CNTN5: variants seen among roughly 807,000 people sequenced by gnomAD.
CNTN5 encodes contactin 5.
A neutral mutation model predicts 129.1 loss-of-function variants in CNTN5; 77 were observed. The ratio of observed to expected loss-of-function variants is 0.60; its 90% CI spans 0.50 to 0.72. The LOEUF (loss-of-function observed/expected upper bound fraction) is 0.72. Ranked by LOEUF, CNTN5 falls within the 30% of genes least tolerant of loss-of-function variation. The pLI, the probability that CNTN5 is intolerant of heterozygous loss-of-function variation, is 0.00. For synonymous variants in CNTN5, 509 were observed against 465.6 expected (o/e 1.09, Z -1.20); for missense variants, 1,478 against 1,328.8 (o/e 1.11, Z -1.75).
chr11:99,226,937 A>G (rs1251432624), intron 1 of CNTN5, among the ~76,000 whole-genome samples: 1 of 152,242 alleles, frequency 6.6e-6, no homozygotes, highest in Non-Finnish European at 1.5e-5. Context: ...ATGTTAAAAT[A>G]TCTACGTATA....
intron 3 of CNTN5, among the ~76,000 whole-genome samples, chr11:99,649,739 A>G (rs1952086912): frequency 1.1e-5 from 1 of 93,912 alleles, no homozygotes; most frequent in African/African-American, 3.1e-5. Context: ...TTAGTGAAAC[A>G]TTAAGTTTTT....
intron 3 of CNTN5, among the ~76,000 whole-genome samples, chr11:99,581,549 G>C (rs1036012970): frequency 6.6e-6 from 1 of 151,740 alleles, no homozygotes; most frequent in African/African-American, 2.4e-5. Flanking sequence ...AGGATAGTTA[G>C]CTCTTCTTGT....
chr11:99,132,994 G>A (rs183268990), intron 1 of CNTN5, among the ~76,000 whole-genome samples: 16 of 152,216 alleles, frequency 1.1e-4, no homozygotes, highest in East Asian at 7.7e-4. Flanking sequence ...CATGTTACCC[G>A]ACTTCAAACC....
At chr11:99,306,152 T>C (rs535058183) in intron 1 of CNTN5, among the ~76,000 whole-genome samples, 11 of 152,274 alleles carry the variant, frequency 7.2e-5, no homozygotes, top group Non-Finnish European at 1.3e-4. Context: ...TGGAGAGCTG[T>C]CCTTTAGGAC....
At position 99,858,109 on chromosome 11, in the gene CNTN5, A is replaced by G. The variant is rs562526440; in HGVS notation, c.577+12847A>G. On this transcript the variant is annotated intron_variant, in intron 6 of 24. Transcript: ENST00000524871. Reference sequence around the variant, plus strand: ...TCTTGTTTTCCAGGCAATTATAAGAAAAAAATGAAAGTGTTTATGTCACGC... The same window carrying G: ...TCTTGTTTTCCAGGCAATTATAAGAGAAAAATGAAAGTGTTTATGTCACGC... Among the ~76,000 whole-genome samples the G allele has an allele frequency of 2.6e-5, 4 of 152,264 alleles. No individual in the cohort carries two copies. In the South Asian group the frequency reaches 8.3e-4, roughly 31 times the overall value.
chr11:99,573,497 A>C (rs1949244303), intron 3 of CNTN5, among the ~76,000 whole-genome samples: 1 of 151,932 alleles, frequency 6.6e-6, no homozygotes, highest in Non-Finnish European at 1.5e-5. Context: ...GTGAACCAGG[A>C]AGGCGGAGTT....
intron 1 of CNTN5, among the ~76,000 whole-genome samples, chr11:99,062,518 C>G (rs553083520): frequency 6.6e-6 from 1 of 151,918 alleles, no homozygotes; most frequent in Non-Finnish European, 1.5e-5. Flanking sequence ...ACATATAGGT[C>G]ACAAAAACTT....
intron 3 of CNTN5, among the ~76,000 whole-genome samples, chr11:99,655,224 T>C (rs913285722): frequency 3.9e-5 from 6 of 152,110 alleles, no homozygotes; most frequent in African/African-American, 1.4e-4. Flanking sequence ...TCAAATCAAT[T>C]ATTAAACAGT....
At chr11:99,285,647 A>G (rs1863904210) in intron 1 of CNTN5, among the ~76,000 whole-genome samples, 3 of 152,164 alleles carry the variant, frequency 2.0e-5, no homozygotes, top group African/African-American at 7.2e-5. Flanking sequence ...GTAGAGAACT[A>G]GAATGTAAAC....
chr11:100,279,786 T>G (rs1439389895), intron 18 of CNTN5, among the ~76,000 whole-genome samples: 2 of 151,844 alleles, frequency 1.3e-5, no homozygotes, highest in African/African-American at 4.8e-5. Flanking sequence ...TTTTCTTCAT[T>G]TCATTTATTT....
At chr11:99,950,773 T>C (rs1950655848) in intron 7 of CNTN5, among the ~76,000 whole-genome samples, 1 of 152,242 alleles carries the variant, frequency 6.6e-6, no homozygotes, top group Admixed American at 6.5e-5. Flanking sequence ...TCAGCATTAC[T>C]ACCACGTAGA....
chr11:99,425,006 T>G (rs759440274), intron 2 of CNTN5, among the ~76,000 whole-genome samples: 2 of 152,116 alleles, frequency 1.3e-5, no homozygotes, highest in Non-Finnish European at 2.9e-5. Context: ...AGGAAACCCA[T>G]AGTGGGTAGC....
intron 13 of CNTN5, among the ~76,000 whole-genome samples, chr11:100,143,423 G>A (rs1169035548): frequency 1.3e-5 from 2 of 152,066 alleles, no homozygotes; most frequent in Non-Finnish European, 2.9e-5. Context: ...TGACAAACAT[G>A]AACTAAACTC....
At chr11:99,455,487 A>G (rs113487841) in intron 2 of CNTN5, among the ~76,000 whole-genome samples, 1,877 of 152,262 alleles carry the variant, frequency 0.012, 44 homozygotes, top group African/African-American at 0.043. Flanking sequence ...AAGAAGGAAT[A>G]AACAAGTATG....
intron 4 of CNTN5, among the ~76,000 whole-genome samples, chr11:99,842,982 G>A (rs747651711): frequency 5.3e-5 from 8 of 152,138 alleles, no homozygotes; most frequent in African/African-American, 1.4e-4. Flanking sequence ...TGCATTCCCA[G>A]CACTTTGGGA....
chr11:99,967,644 C>T (rs937831858), intron 8 of CNTN5, among the ~76,000 whole-genome samples: 8 of 152,080 alleles, frequency 5.3e-5, no homozygotes, highest in South Asian at 2.1e-4. Context: ...GAGGCGCTTG[C>T]GTTCCACAAA....
At chr11:99,802,431 G>T (rs1591211195) in intron 3 of CNTN5, among the ~76,000 whole-genome samples, 1 of 152,138 alleles carries the variant, frequency 6.6e-6, no homozygotes, top group Admixed American at 6.5e-5. Flanking sequence ...GGCAGGCAAG[G>T]GACTGCCATT....
chr11:99,608,309 A>G (rs1359968859), intron 3 of CNTN5, among the ~76,000 whole-genome samples: 2 of 152,172 alleles, frequency 1.3e-5, no homozygotes, highest in Admixed American at 6.6e-5. Context: ...TTGCTTGCCC[A>G]GGAAACTGAT....
intron 1 of CNTN5, among the ~76,000 whole-genome samples, chr11:99,064,417 A>G (rs548435585): frequency 6.6e-6 from 1 of 151,748 alleles, no homozygotes; most frequent in South Asian, 2.1e-4. Flanking sequence ...AACCAGAAAA[A>G]TGTACAGAAA....
Sources: gnomAD v4.1 joint callset for allele counts (sites outside exome capture counted in the v4.1 genomes callset) on GRCh38, gnomAD v4.1.1 for gene constraint, MANE v1.5 for transcripts, NCBI Gene and HGNC (gene_info 2026-07-23, HGNC 2026-07-21) for gene names.